EPB41L5: variants seen among roughly 807,000 people sequenced by gnomAD.
EPB41L5 encodes erythrocyte membrane protein band 4.1 like 5.
A neutral mutation model predicts 106.6 loss-of-function variants in EPB41L5; 55 were observed. The observed-to-expected ratio is 0.52, with a 90% CI of 0.42 to 0.65. EPB41L5 has a LOEUF of 0.65. EPB41L5 is among the 30% of genes least tolerant of loss of function. The pLI is 0.00. For synonymous variants in EPB41L5, 297 were observed against 306.7 expected (o/e 0.97, Z 0.33); for missense variants, 871 against 882.1 (o/e 0.99, Z 0.16).
In EPB41L5 at chr2:120,170,434, A is replaced by G. The variant is rs560057062; in HGVS notation, c.2135+2427A>G. ...CTCAATGGAAGGAGAGGCACCAGCC[A>G]GAGCTCTTGGCAGGATTCAGGATCT... On this transcript the variant is annotated intron_variant, in intron 24 of 24. Transcript: ENST00000263713. Among the ~76,000 whole-genome samples, 3 of 152,380 alleles carry G rather than the reference A, an allele frequency of 2.0e-5. No individual in the cohort carries two copies. The East Asian group carries it at 5.8e-4, about 29-fold the overall frequency.
chr2:120,164,065 C>T (rs1687280523), intron 21 of EPB41L5, among the ~76,000 whole-genome samples: 2 of 144,686 alleles, frequency 1.4e-5, no homozygotes, highest in South Asian at 2.2e-4. Flanking sequence ...TCACTGCAAC[C>T]TCCACCTCCC....
chr2:120,055,316 C>T (rs112651711), intron 3 of EPB41L5, among the ~76,000 whole-genome samples: 63 of 151,988 alleles, frequency 4.1e-4, no homozygotes, highest in African/African-American at 1.4e-3. Flanking sequence ...CTTGCATTTC[C>T]GTATAAATCT....
chr2:120,105,827 AAG>A (rs1213617584), intron 16 of EPB41L5: 1 of 985,178 alleles, frequency 1.0e-6, no homozygotes, highest in Non-Finnish European at 1.2e-6. Context: ...TTTTTCTTAA[AAG>A]AGAGGAATTT....
intron 20 of EPB41L5, among the ~76,000 whole-genome samples, chr2:120,152,813 TTAAGTCAG>T (rs1206646111): frequency 6.6e-6 from 1 of 152,274 alleles, no homozygotes; most frequent in Non-Finnish European, 1.5e-5. Flanking sequence ...CCATTTCGTC[TTAAGTCAG>T]TTTTGGTAAT....
intron 24 of EPB41L5, among the ~76,000 whole-genome samples, chr2:120,169,449 G>T (rs774661946): frequency 1.3e-5 from 2 of 152,126 alleles, no homozygotes; most frequent in Non-Finnish European, 2.9e-5. Context: ...CTTTTAAACA[G>T]CTCACAAGGA....
At chr2:120,046,937 T>C (rs1558822314) in intron 3 of EPB41L5, among the ~76,000 whole-genome samples, 1 of 152,186 alleles carries the variant, frequency 6.6e-6, no homozygotes, top group Non-Finnish European at 1.5e-5. Flanking sequence ...CTATTTCTTG[T>C]TTTTCTCAGG....
At position 120,078,494 on chromosome 2, in the gene EPB41L5, C is replaced by T; in HGVS notation, c.716C>T (p.Ala239Val). The change falls in exon 10 of 25, where the codon GCT becomes GTT. Residue 239 changes from alanine to valine, a missense_variant and splice_region_variant. By Grantham distance (64) the Ala-to-Val change is moderately conservative (BLOSUM62 0). Transcript: ENST00000263713. The part of the protein sequence containing the change: ...MYGVDMHVVK[A>V]RDGNDYSLGL... ...CACATTTTTCTCCCCTTAAATTAGGCTAGAGATGGGAATGACTATAGTTTG... is the reference window on the plus strand; with the variant it reads ...CACATTTTTCTCCCCTTAAATTAGGTTAGAGATGGGAATGACTATAGTTTG... 1 of 1,598,672 alleles carries T rather than the reference C, an allele frequency of 6.3e-7. No individual in the cohort carries two copies. Among genetic ancestry groups the T allele is most frequent in the Non-Finnish European group, 8.5e-7 (1 of 1,172,674 alleles).
chr2:120,132,861 C>T (rs1685762098), intron 18 of EPB41L5, among the ~76,000 whole-genome samples: 1 of 151,366 alleles, frequency 6.6e-6, no homozygotes, highest in Non-Finnish European at 1.5e-5. Context: ...CCTGGTAACA[C>T]TTGGGGGTAG....
chr2:120,137,604 A>G (rs376426933), intron 18 of EPB41L5, among the ~76,000 whole-genome samples: 15 of 152,094 alleles, frequency 9.9e-5, no homozygotes, highest in African/African-American at 3.4e-4. Flanking sequence ...AAAACATTGA[A>G]GAAATGGATG....
At chr2:120,061,188 A>T (rs4353650) in intron 3 of EPB41L5, among the ~76,000 whole-genome samples, 1 of 148,184 alleles carries the variant, frequency 6.7e-6, no homozygotes, top group Admixed American at 6.7e-5. Flanking sequence ...CTACAGGCAC[A>T]CACCACCATG....
At chr2:120,135,361 G>A (rs1476758800) in intron 18 of EPB41L5, among the ~76,000 whole-genome samples, 1 of 152,002 alleles carries the variant, frequency 6.6e-6, no homozygotes, top group Non-Finnish European at 1.5e-5. Flanking sequence ...AAAGAGATGT[G>A]GTAGAAAGTT....
At chr2:120,106,748 TC>T in intron 16 of EPB41L5, 3 of 985,452 alleles carry the variant, frequency 3.0e-6, no homozygotes, top group Non-Finnish European at 3.6e-6. Context: ...CTTCACACTT[TC>T]ACGCATGAAC....
chr2:120,048,418 T>A (rs1679978844), intron 3 of EPB41L5, among the ~76,000 whole-genome samples: 2 of 152,220 alleles, frequency 1.3e-5, no homozygotes, highest in Admixed American at 6.5e-5. Context: ...AATTTATCCA[T>A]GTTTTCTAGA....
At chr2:120,088,399 CAAA>C (rs1224972258) in intron 11 of EPB41L5, among the ~76,000 whole-genome samples, 5 of 152,034 alleles carry the variant, frequency 3.3e-5, no homozygotes, top group Non-Finnish European at 7.4e-5. Flanking sequence ...CTTATGAACA[CAAA>C]GAAGGCAACA....
intron 16 of EPB41L5, among the ~76,000 whole-genome samples, chr2:120,126,520 A>G (rs1437878148): frequency 6.6e-6 from 1 of 152,082 alleles, no homozygotes; most frequent in Non-Finnish European, 1.5e-5. Flanking sequence ...TTGCCTGTGG[A>G]TATCTGGTTG....
intron 1 of EPB41L5, among the ~76,000 whole-genome samples, chr2:120,013,899 G>A (rs559118044): frequency 5.9e-5 from 9 of 152,296 alleles, no homozygotes; most frequent in Admixed American, 5.2e-4. Flanking sequence ...TCCCATAACC[G>A]TGTACATTTG....
chr2:120,172,376 G>T (rs1340711483), intron 24 of EPB41L5, among the ~76,000 whole-genome samples: 1 of 152,172 alleles, frequency 6.6e-6, no homozygotes, highest in Non-Finnish European at 1.5e-5. Context: ...GTTAAGAGAG[G>T]ATGTAAGTCT....
intron 16 of EPB41L5, among the ~76,000 whole-genome samples, chr2:120,114,653 A>G (rs548417020): frequency 2.0e-5 from 3 of 152,350 alleles, no homozygotes; most frequent in East Asian, 3.9e-4. Flanking sequence ...AGTTCTTTAT[A>G]TATTTAAGAT....
chr2:120,079,216 A>G (rs1026979835), intron 10 of EPB41L5, among the ~76,000 whole-genome samples: 12 of 152,226 alleles, frequency 7.9e-5, no homozygotes, highest in Admixed American at 3.3e-4. Flanking sequence ...TAGCGCAAAG[A>G]CCTCTGGCAT....
Sources: allele counts gnomAD v4.1 joint callset (sites outside exome capture counted in the v4.1 genomes callset), GRCh38; gene constraint gnomAD v4.1.1; transcripts MANE v1.5; gene names NCBI Gene and HGNC (gene_info 2026-07-23, HGNC 2026-07-21).